CTDP1: variants seen among roughly 807,000 people sequenced by gnomAD.
The protein encoded by CTDP1 is RNA polymerase II subunit A C-terminal domain phosphatase.
A neutral mutation model predicts 91.8 loss-of-function variants in CTDP1; 47 were observed. The ratio of observed to expected loss-of-function variants is 0.51; its 90% CI spans 0.41 to 0.65. The LOEUF (loss-of-function observed/expected upper bound fraction) is 0.65. Ranked by LOEUF, CTDP1 falls within the 30% of genes least tolerant of loss-of-function variation. The pLI, the probability that CTDP1 is intolerant of heterozygous loss-of-function variation, is 0.00. For synonymous variants in CTDP1, 656 were observed against 598.5 expected (o/e 1.10, Z -1.40); for missense variants, 1,272 against 1,373.7 (o/e 0.93, Z 1.17).
In CTDP1 at chr18:79,695,221, G is replaced by A. The variant is rs117517519; in HGVS notation, c.315-4G>A. On this transcript the variant is annotated splice_region_variant and splice_polypyrimidine_tract_variant and intron_variant, in intron 1 of 12. Transcript: ENST00000613122. ...AGTGTTGTTCCCCTTGTGTTTTTTT[G>A]TAGAGCGGTTCTGGTGAGGTTGGAA... 303 of 1,613,988 alleles carry A rather than the reference G, an allele frequency of 1.9e-4. 3 individuals carry two copies. The East Asian group carries it at 5.9e-3, about 32-fold the overall frequency.
At chr18:79,697,193 C>CGG (rs1378301645) in intron 3 of CTDP1, among the ~76,000 whole-genome samples, 1 of 152,326 alleles carries the variant, frequency 6.6e-6, no homozygotes, top group East Asian at 1.9e-4. Context: ...CGTTTCCCTT[C>CGG]GGGGATGGGC....
At chr18:79,678,456 C>A (rs980151087), upstream of CTDP1, 1 of 152,198 alleles carries the variant, frequency 6.6e-6, no homozygotes, top group Admixed American at 6.5e-5. Context: ...CACTCCCTGG[C>A]CCCCTTTTTT....
rs111776406 is a variant in CTDP1 at position 79,724,251 on chromosome 18, G to A, written c.2418-4656G>A. On this transcript the variant is annotated intron_variant, in intron 10 of 12. Transcript: ENST00000613122. The stretch of plus-strand genomic sequence containing the variant: ...TTTCAAAATTCAAAAATCCAAAATC[G>A]GAAACACTTTTGGTCTCAAGCATGT... Among the ~76,000 whole-genome samples, 445 of 152,288 alleles carry A rather than the reference G, an allele frequency of 2.9e-3. 3 individuals are homozygous for A. The highest frequency in any genetic ancestry group is 0.01 in the African/African-American group (422 of 41,554).
chr18:79,753,801 C>A lies in CTDP1; in HGVS notation c.*11C>A, dbSNP rs376597291. 1.9e-5 allele frequency: 30 copies of A among 1,611,896 alleles called. No homozygotes were observed. The African/African-American group carries it at 3.6e-4, about 19-fold the overall frequency. On this transcript the variant is annotated 3_prime_UTR_variant, in exon 13 of 13. Coordinates refer to ENST00000613122, the MANE Select transcript of CTDP1 (RefSeq NM_004715.5). ...AACGACCTCATGTGAGCGCGGGCAG[C>A]GGGCAGGGACTGAAGCCTGACCGAC...
Position 79,713,492 on chromosome 18 carries a change from C to T in CTDP1, c.1030+354C>T, listed in dbSNP as rs1200285874. On this transcript the variant is annotated intron_variant, in intron 7 of 12. Coordinates refer to ENST00000613122, the MANE Select transcript of CTDP1 (RefSeq NM_004715.5). This position sits in a 1 kb window ranked among gnomAD's most constrained non-coding sequence, Gnocchi z 4.7. ...TCTGTAGAGAGAGTGAATGTGGGGG[C>T]GGTGGCTCTGCGGGGAATAACCGTT... 1.3e-5 allele frequency among the ~76,000 whole-genome samples: 2 copies of T among 152,156 alleles called. No homozygotes were observed. The highest frequency in any genetic ancestry group is 4.8e-5 in the African/African-American group (2 of 41,426).
intron 1 of CTDP1, among the ~76,000 whole-genome samples, chr18:79,692,529 C>T (rs1223414497): frequency 1.3e-5 from 2 of 152,234 alleles, no homozygotes; most frequent in African/African-American, 4.8e-5. Context: ...AGAGCCACCC[C>T]AGATCCTTCT....
chr18:79,700,446 G>A (rs910644122), intron 4 of CTDP1, among the ~76,000 whole-genome samples: 2 of 152,196 alleles, frequency 1.3e-5, no homozygotes, highest in Non-Finnish European at 2.9e-5. Flanking sequence ...TTAGTGGTCT[G>A]AGTAGAAGAT....
chr18:79,708,780 CA>C (rs1337891512), intron 5 of CTDP1, among the ~76,000 whole-genome samples: 2 of 152,258 alleles, frequency 1.3e-5, no homozygotes, highest in Non-Finnish European at 2.9e-5. Flanking sequence ...CGTTTTGTTC[CA>C]CGGCACCTGC....
chr18:79,695,340 G>C (rs757868033), intron 2 of CTDP1, 32 bp downstream of exon 2: 2 of 1,601,736 alleles, frequency 1.2e-6, no homozygotes, highest in Admixed American at 3.3e-5. Flanking sequence ...ATCGCTGCCT[G>C]CTGGGGCTCG....
At chr18:79,716,832 T>A (rs1005900753) in intron 8 of CTDP1, among the ~76,000 whole-genome samples, 1 of 152,268 alleles carries the variant, frequency 6.6e-6, no homozygotes, top group Non-Finnish European at 1.5e-5. Context: ...GCTGAACACA[T>A]GCTAAGAGAG....
chr18:79,748,322 A>G (rs2086921251), intron 12 of CTDP1, among the ~76,000 whole-genome samples: 1 of 152,218 alleles, frequency 6.6e-6, no homozygotes, highest in Non-Finnish European at 1.5e-5. Context: ...CCTGTACTTC[A>G]TCACGGAGCG....
At chr18:79,733,837 T>C (rs1269900848) in intron 11 of CTDP1, among the ~76,000 whole-genome samples, 1 of 152,132 alleles carries the variant, frequency 6.6e-6, no homozygotes, top group African/African-American at 2.4e-5. Flanking sequence ...TTCATTTCCG[T>C]GCATTGACAG....
At chr18:79,746,368 G>GCGTGTTCTGACTCT (rs2086882659) in intron 12 of CTDP1, among the ~76,000 whole-genome samples, 2 of 152,022 alleles carry the variant, frequency 1.3e-5, no homozygotes, top group Non-Finnish European at 2.9e-5. Flanking sequence ...TCCCTCCCAT[G>GCGTGTTCTGACTCT]CGCGTTCTGT....
In CTDP1 at chr18:79,717,856, A is replaced by G; in HGVS notation, c.2257A>G (p.Thr753Ala). Residue 753 changes from threonine (T) to alanine (A), a missense_variant, in exon 10 of 13, where the codon ACC becomes GCC. Thr to Ala is a moderately conservative substitution (Grantham distance 58). Around this residue, in one of 3 missense-constraint regions of CTDP1, gnomAD observed 881 missense variants for 911.6 expected, o/e 0.97. Transcript: ENST00000613122. ...TCCCGACCGGGAGGGTGTGCCCCCCACCGCCTTGTTCCACCCGATGCCGGT... is the reference window on the plus strand; with the variant it reads ...TCCCGACCGGGAGGGTGTGCCCCCCGCCGCCTTGTTCCACCCGATGCCGGT... ...AFPDREGVPP[T>A]ALFHPMPVLP... is the part of the protein sequence containing the mutation. 1.2e-6 allele frequency: 2 copies of G among 1,613,416 alleles called. No homozygotes were observed. Among genetic ancestry groups the G allele is most frequent in the Non-Finnish European group, 1.7e-6 (2 of 1,179,940 alleles).
At chr18:79,717,714 G>T in intron 9 of CTDP1, 38 bp downstream of exon 9, 1 of 1,613,936 alleles carries the variant, frequency 6.2e-7, no homozygotes, top group Middle Eastern at 1.6e-4. Flanking sequence ...CGTGCCAGGC[G>T]TTCCCTTGCT....
intron 6 of CTDP1, among the ~76,000 whole-genome samples, chr18:79,712,523 C>T (rs1257133753): frequency 6.6e-6 from 1 of 152,158 alleles, no homozygotes; most frequent in Non-Finnish European, 1.5e-5. Flanking sequence ...CTCAAGAGAC[C>T]CTCCTGCCAA....
Position 79,717,765 on chromosome 18 carries a change from C to T in CTDP1, c.2211-45C>T, listed in dbSNP as rs1257935741. ...CATGCACCTGGGCAGTGCCCCTCATCACCCGGACGCCCCGCTCATGGCCCT... is the reference window on the plus strand; with the variant it reads ...CATGCACCTGGGCAGTGCCCCTCATTACCCGGACGCCCCGCTCATGGCCCT... On this transcript the variant is annotated intron_variant, in intron 9 of 12. Transcript: ENST00000613122. 9 of 1,613,588 alleles carry T rather than the reference C, an allele frequency of 5.6e-6. No individual in the cohort carries two copies. In the Admixed American group the frequency reaches 6.7e-5, roughly 12 times the overall value.
chr18:79,734,583 C>T (rs1395061159), intron 11 of CTDP1, among the ~76,000 whole-genome samples: 1 of 151,092 alleles, frequency 6.6e-6, no homozygotes, highest in East Asian at 1.9e-4. Context: ...AGGTGGGGCG[C>T]CACACTAGCG....
At chr18:79,681,036 G>C (rs539023848) in intron 1 of CTDP1, 3 of 152,312 alleles carry the variant, frequency 2.0e-5, no homozygotes, top group Non-Finnish European at 4.4e-5. Context: ...GCCCGCAGTG[G>C]GCCGGGCGTG....
Sources: allele counts gnomAD v4.1 joint callset (sites outside exome capture counted in the v4.1 genomes callset), GRCh38; gene constraint gnomAD v4.1.1; regional missense constraint gnomAD v4.1.1; non-coding constraint Gnocchi (gnomAD v3.1); transcripts MANE v1.5; gene names NCBI Gene and HGNC (gene_info 2026-07-23, HGNC 2026-07-21).